The following PCDHGA1 variants were observed in gnomAD, a reference collection of about 807,000 sequenced individuals.
PCDHGA1 encodes the protein protocadherin gamma-A1.
In PCDHGA1, 32 loss-of-function variants were observed where a neutral mutation model predicts 58.0. That is an observed-to-expected ratio of 0.55 (90% confidence interval 0.42 to 0.74). PCDHGA1 has a LOEUF of 0.74. PCDHGA1 is among the 30% of genes least tolerant of loss of function. The pLI, the probability that PCDHGA1 is intolerant of heterozygous loss-of-function variation, is 0.00. For synonymous variants in PCDHGA1, 498 were observed against 501.1 expected (o/e 0.99, Z 0.08); for missense variants, 1,205 against 1,182.3 (o/e 1.02, Z -0.28).
intron 1 of PCDHGA1, chr5:141,404,354 G>A (rs749866543): frequency 6.2e-7 from 1 of 1,613,916 alleles, no homozygotes; most frequent in Non-Finnish European, 8.5e-7. Flanking sequence ...CAACGCCAGA[G>A]GTACTTCCAT....
At chr5:141,452,879 A>C (rs1389712789) in intron 1 of PCDHGA1, among the ~76,000 whole-genome samples, 1 of 152,200 alleles carries the variant, frequency 6.6e-6, no homozygotes, top group Admixed American at 6.5e-5. Context: ...CATTTGTAAT[A>C]ATTTATTCCA....
chr5:141,388,592 T>C (rs1435796614), intron 1 of PCDHGA1: 1 of 1,613,880 alleles, frequency 6.2e-7, no homozygotes, highest in Non-Finnish European at 8.5e-7. Context: ...CTGATGCCAA[T>C]GATAATGCTC....
At chr5:141,374,252 C>T in intron 1 of PCDHGA1, 6 of 1,613,982 alleles carry the variant, frequency 3.7e-6, no homozygotes, top group Non-Finnish European at 5.1e-6. Context: ...ACTGGAGCCC[C>T]AGGAGTTGGC....
chr5:141,435,027 AC>A (rs1485237615), intron 1 of PCDHGA1, among the ~76,000 whole-genome samples: 1 of 151,978 alleles, frequency 6.6e-6, no homozygotes, highest in Non-Finnish European at 1.5e-5. Flanking sequence ...CTCTTTTCCC[AC>A]TTTTATTTTT....
chr5:141,394,353 C>G (rs759128487), intron 1 of PCDHGA1: 11 of 1,614,178 alleles, frequency 6.8e-6, no homozygotes, highest in East Asian at 4.5e-5. Flanking sequence ...CACCGGTGTC[C>G]TGTATGCGCT....
intron 2 of PCDHGA1, among the ~76,000 whole-genome samples, chr5:141,498,962 A>G (rs1257746192): frequency 8.0e-6 from 1 of 124,866 alleles, no homozygotes; most frequent in Non-Finnish European, 1.7e-5. Context: ...AGAGAGAGGG[A>G]GGGAGGGAGG....
intron 1 of PCDHGA1, among the ~76,000 whole-genome samples, chr5:141,443,771 A>G (rs1031470429): frequency 9.2e-5 from 14 of 152,238 alleles, no homozygotes; most frequent in African/African-American, 3.1e-4. Context: ...ATACAATATT[A>G]CCAAAAAGAC....
chr5:141,501,693 G>T (rs1417828433), intron 2 of PCDHGA1, among the ~76,000 whole-genome samples: 1 of 152,028 alleles, frequency 6.6e-6, no homozygotes, highest in Non-Finnish European at 1.5e-5. Context: ...TATCTGCAGG[G>T]TGATTCCGAG....
chr5:141,419,524 T>C (rs1400473876), intron 1 of PCDHGA1: 4 of 1,612,164 alleles, frequency 2.5e-6, no homozygotes, highest in Non-Finnish European at 3.4e-6. Flanking sequence ...TGGGCGACCG[T>C]AACGACAACG....
Position 141,490,809 on chromosome 5 carries a change from C to T in PCDHGA1, c.2422-3998C>T. On this transcript the variant is annotated intron_variant, in intron 1 of 3. Transcript: ENST00000517417. The surrounding 1 kb of genome is among the most constrained non-coding windows in gnomAD (Gnocchi z 5.4). Reference sequence around the variant, plus strand: ...GGATCTTTGCCCAGCGTACCTTTGACTATGAATTGCTGCAGATGCTGCAGA... The same window carrying T: ...GGATCTTTGCCCAGCGTACCTTTGATTATGAATTGCTGCAGATGCTGCAGA... 2 of 1,613,954 alleles carry T rather than the reference C, an allele frequency of 1.2e-6. No individual in the cohort carries two copies. Among genetic ancestry groups the T allele is most frequent in the South Asian group, 2.2e-5 (2 of 91,076 alleles).
chr5:141,366,977 A>G, intron 1 of PCDHGA1: 1 of 540,714 alleles, frequency 1.8e-6, no homozygotes, highest in Non-Finnish European at 3.1e-6. Context: ...AATACCTTAA[A>G]GGAAAGTGGT....
At chr5:141,349,457 T>G (rs1162654950) in intron 1 of PCDHGA1, among the ~76,000 whole-genome samples, 1 of 152,200 alleles carries the variant, frequency 6.6e-6, no homozygotes, top group Admixed American at 6.5e-5. Context: ...AAAGCATGTA[T>G]GTGTACCCCA....
At chr5:141,478,735 G>T in intron 1 of PCDHGA1, 1 of 1,535,968 alleles carries the variant, frequency 6.5e-7, no homozygotes, top group Non-Finnish European at 8.8e-7. Flanking sequence ...AGTGTGGTTT[G>T]TGGTCCCATT....
rs866208625 is a variant in PCDHGA1, at chr5:141,332,116, G to A, written c.1432G>A (p.Asp478Asn). ...CTCCATCTTCTCTGTGAGGGCCCAC[G>A]ACTTGGACAGCAATGAGAATGCACA... ...GASIFSVRAH[D>N]LDSNENAQIT... The change falls in exon 1 of 4, where the codon GAC becomes AAC. Residue 478 changes from aspartate to asparagine, a missense_variant. Coordinates refer to ENST00000517417, the MANE Select transcript of PCDHGA1 (RefSeq NM_018912.3). The surrounding 1 kb of genome is among the most constrained non-coding windows in gnomAD (Gnocchi z 4.6). The A allele has an allele frequency of 6.2e-7, 1 of 1,614,132 alleles. No individual in the cohort carries two copies. The highest frequency in any genetic ancestry group is 8.5e-7 in the Non-Finnish European group (1 of 1,180,034).
At chr5:141,385,876 G>A (rs1395840676) in intron 1 of PCDHGA1, 1 of 152,842 alleles carries the variant, frequency 6.5e-6, no homozygotes, top group Non-Finnish European at 1.5e-5. Flanking sequence ...TTGGATTTAT[G>A]CCTAAAGAAT....
At chr5:141,356,605 G>A in intron 1 of PCDHGA1, 1 of 1,614,126 alleles carries the variant, frequency 6.2e-7, no homozygotes, top group Non-Finnish European at 8.5e-7. Flanking sequence ...CCCCAGAGGA[G>A]CCTCCATCTT....
chr5:141,501,447 A>G (rs1483189279), intron 2 of PCDHGA1, among the ~76,000 whole-genome samples: 1 of 151,816 alleles, frequency 6.6e-6, no homozygotes, highest in Middle Eastern at 3.2e-3. Flanking sequence ...TTCCATTTTT[A>G]CTTTTCACTA....
chr5:141,475,951 G>A, intron 1 of PCDHGA1: 4 of 766,902 alleles, frequency 5.2e-6, no homozygotes, highest in South Asian at 1.9e-5. Flanking sequence ...CCCTTTCTGC[G>A]CCCCGGGATG....
chr5:141,411,806 C>G (rs1276116820), intron 1 of PCDHGA1: 1 of 151,860 alleles, frequency 6.6e-6, no homozygotes, highest in Non-Finnish European at 1.5e-5. Flanking sequence ...CGCTTGAGCC[C>G]AGGAAGTCTA....
Sources: gnomAD v4.1 joint callset for allele counts (sites outside exome capture counted in the v4.1 genomes callset) on GRCh38, gnomAD v4.1.1 for gene constraint, Gnocchi (gnomAD v3.1) non-coding constraint, MANE v1.5 for transcripts, NCBI Gene and HGNC (gene_info 2026-07-23, HGNC 2026-07-21) for gene names.